ZNF518A: variants seen among roughly 807,000 people sequenced by gnomAD.
The protein encoded by ZNF518A is zinc finger protein 518A, also known as zinc finger protein 518.
Under a neutral mutation model 102.7 loss-of-function variants are expected in ZNF518A, and 47 were observed. The ratio of observed to expected loss-of-function variants is 0.46; its 90% CI spans 0.36 to 0.58. The LOEUF is 0.58. ZNF518A is among the 20% of genes least tolerant of loss of function. The pLI is 0.00. For synonymous variants in ZNF518A, 652 were observed against 594.6 expected (o/e 1.10, Z -1.40); for missense variants, 1,793 against 1,699.8 (o/e 1.05, Z -0.96).
chr10:96,156,603 A>T lies in ZNF518A; in HGVS notation c.281A>T (p.Glu94Val), dbSNP rs782279850. The T allele has an allele frequency of 1.2e-6, 2 of 1,613,770 alleles. No individual in the cohort carries two copies. The highest frequency in any genetic ancestry group is 1.7e-6 in the Non-Finnish European group (2 of 1,179,796). The change falls in exon 6 of 6, where the codon GAG becomes GTG. Residue 94 changes from glutamate to valine, a missense_variant. Physicochemically the swap from Glu to Val is moderately radical, Grantham distance 121 (BLOSUM62 -2). This residue lies in a region of ZNF518A where 1,741 missense variants were observed against 1,622.6 expected (regional missense o/e 1.07). Coordinates refer to ENST00000316045, the MANE Select transcript of ZNF518A (RefSeq NM_001330736.2). ...SISIKTVSCVEECTLLHKSER... is the reference protein window; with the variant it reads ...SISIKTVSCVVECTLLHKSER... The stretch of plus-strand genomic sequence containing the variant: ...AGTATAAAGACTGTAAGCTGTGTAG[A>T]GGAGTGTACATTGCTTCATAAGTCT...
rs782213026 is a variant in ZNF518A, at chr10:96,160,069, G to A, written c.3747G>A (p.Lys1249=). 1 of 1,608,942 alleles carries A rather than the reference G, an allele frequency of 6.2e-7. No homozygotes were observed. The highest frequency in any genetic ancestry group is 8.5e-7 in the Non-Finnish European group (1 of 1,178,748). Residue 1249 remains lysine (K), a synonymous_variant, in exon 6 of 6, where the codon AAG becomes AAA. Coordinates refer to ENST00000316045, the MANE Select transcript of ZNF518A (RefSeq NM_001330736.2). Reference sequence around the variant, plus strand: ...TTGAGAGGAACTTCAATAGAAAAAAGACTTCCAAAAAAATTTTTTCAAAAA... The same window carrying A: ...TTGAGAGGAACTTCAATAGAAAAAAAACTTCCAAAAAAATTTTTTCAAAAA... ...CRIERNFNRK[K]TSKKIFSKTK...
intron 3 of ZNF518A, among the ~76,000 whole-genome samples, chr10:96,137,006 G>A (rs587615058): frequency 6.6e-6 from 1 of 152,338 alleles, no homozygotes; most frequent in East Asian, 1.9e-4. Context: ...AGTGAGTGTG[G>A]CTGTATTCCA....
Position 96,188,101 on chromosome 10 carries a change from C to T in ZNF518A, n.36-15473C>T, listed in dbSNP as rs138670628. ...CTGGCCTCAAGTGATCCACCTGCTT[C>T]GGCCTGCCAAACTACTGTGATTATA... On this transcript the variant is annotated intron_variant and non_coding_transcript_variant, in intron 1 of 2. Coordinates refer to the ZNF518A transcript ENST00000442635. Among the ~76,000 whole-genome samples, 12 of 152,310 alleles carry T rather than the reference C, an allele frequency of 7.9e-5. No individual in the cohort carries two copies. The East Asian group carries it at 1.4e-3, about 17-fold the overall frequency.
chr10:96,205,006 AC>A (rs1384655150), downstream of ZNF518A: 2 of 303,662 alleles, frequency 6.6e-6, no homozygotes, highest in African/African-American at 4.3e-5. Flanking sequence ...TGGAGACAAC[AC>A]CCTGGTGGGT....
Position 96,157,162 on chromosome 10 carries a change from T to A in ZNF518A, c.840T>A (p.His280Gln), listed in dbSNP as rs2082733791. The change falls in exon 6 of 6, where the codon CAT becomes CAA. Residue 280 changes from histidine to glutamine, a missense_variant. His to Gln is a conservative substitution (Grantham distance 24). Coordinates refer to ENST00000316045, the MANE Select transcript of ZNF518A (RefSeq NM_001330736.2). Reference sequence around the variant, plus strand: ...CCAGGAGAGAACACCTTGTAAGACATGTTATAACTTTGCACAAAGAACATT... The same window carrying A: ...CCAGGAGAGAACACCTTGTAAGACAAGTTATAACTTTGCACAAAGAACATT... ...GATRREHLVR[H>Q]VITLHKEHLY... The A allele has an allele frequency of 1.2e-6, 2 of 1,613,456 alleles. No homozygotes were observed. The highest frequency in any genetic ancestry group is 1.6e-4 in the Middle Eastern group (1 of 6,062).
At position 96,157,764 on chromosome 10, in the gene ZNF518A, C is replaced by G; in HGVS notation, c.1442C>G (p.Thr481Ser). 2 of 1,613,848 alleles carry G rather than the reference C, an allele frequency of 1.2e-6. No individual in the cohort carries two copies. The highest frequency in any genetic ancestry group is 1.7e-6 in the Non-Finnish European group (2 of 1,179,786). The change falls in exon 6 of 6, where the codon ACT becomes AGT. Residue 481 changes from threonine (T) to serine (S), a missense_variant. Around this residue, in one of 3 missense-constraint regions of ZNF518A, gnomAD observed 1,741 missense variants for 1,622.6 expected, o/e 1.07. Coordinates refer to ENST00000316045, the MANE Select transcript of ZNF518A (RefSeq NM_001330736.2). ...GSQSGAAKDG[T>S]ANLQPQTLDT... ...CAGTCAGGTGCTGCAAAGGACGGTA[C>G]TGCTAATTTGCAGCCCCAGACTTTG...
At chr10:96,179,662 A>G (rs1312731272) in intron 1 of ZNF518A, among the ~76,000 whole-genome samples, 1 of 152,218 alleles carries the variant, frequency 6.6e-6, no homozygotes, top group African/African-American at 2.4e-5. Flanking sequence ...ACTTCCACAC[A>G]AAACCCTAAC....
chr10:96,153,995 C>T (rs1267634893), intron 3 of ZNF518A, among the ~76,000 whole-genome samples: 1 of 152,196 alleles, frequency 6.6e-6, no homozygotes, highest in Non-Finnish European at 1.5e-5. Flanking sequence ...GAGTATCTTA[C>T]GAGATTAGAC....
chr10:96,203,781 G>C (rs2083718970), intron 2 of ZNF518A: 1 of 179,994 alleles, frequency 5.6e-6, no homozygotes, highest in South Asian at 8.8e-5. Context: ...TATTGTTTTT[G>C]TAAAAAAAAA....
upstream of ZNF518A, chr10:96,129,747 A>C (rs2081228368): frequency 6.6e-6 from 1 of 152,266 alleles, no homozygotes; most frequent in African/African-American, 2.4e-5. Flanking sequence ...GGGCTTGGGA[A>C]GTGCATACAG....
rs2083023161 is a variant in ZNF518A at position 96,162,115 on chromosome 10, T to C, written c.*1341T>C. 1 of 166,946 alleles carries C rather than the reference T, an allele frequency of 6.0e-6. No individual in the cohort carries two copies. Among genetic ancestry groups the C allele is most frequent in the Non-Finnish European group, 1.5e-5 (1 of 68,038 alleles). The allele number at this position is 166,946 out of a possible 1,614,324, so 10.3% of individuals were successfully genotyped here. Reference sequence around the variant, plus strand: ...CAAGTGTTAATGACATTTTCATTAATGGATGAAAACTTCAGGGCTTCTTTT... The same window carrying C: ...CAAGTGTTAATGACATTTTCATTAACGGATGAAAACTTCAGGGCTTCTTTT... On this transcript the variant is annotated 3_prime_UTR_variant, in exon 6 of 6. Transcript: ENST00000316045.
chr10:96,157,386 A>G lies in ZNF518A; in HGVS notation c.1064A>G (p.Gln355Arg). The G allele has an allele frequency of 6.2e-7, 1 of 1,611,800 alleles. No homozygotes were observed. The highest frequency in any genetic ancestry group is 1.6e-4 in the Middle Eastern group (1 of 6,062). The change falls in exon 6 of 6, where the codon CAG (glutamine) becomes CGG (arginine). Residue 355 changes from glutamine to arginine, a missense_variant. This residue lies in a region of ZNF518A where 1,741 missense variants were observed against 1,622.6 expected (regional missense o/e 1.07). Coordinates refer to ENST00000316045, the MANE Select transcript of ZNF518A (RefSeq NM_001330736.2). ...GTGCTTAAGAAAATGAACAAAACAC[A>G]GACTAAATCTGAAGACCAGAGCCAT... ...TQVLKKMNKTQTKSEDQSHVV... is the reference protein window; with the variant it reads ...TQVLKKMNKTRTKSEDQSHVV...
downstream of ZNF518A, among the ~76,000 whole-genome samples, chr10:96,167,663 C>G (rs1554890512): frequency 6.6e-6 from 1 of 151,986 alleles, no homozygotes; most frequent in Non-Finnish European, 1.5e-5. Context: ...AAGAAAGAAT[C>G]AGCAAACCTG....
chr10:96,174,202 C>T (rs2083190046), intron 1 of ZNF518A, among the ~76,000 whole-genome samples: 1 of 149,340 alleles, frequency 6.7e-6, no homozygotes, highest in Admixed American at 6.7e-5. Context: ...GTATACTTAC[C>T]ACAATAAACA....
intron 3 of ZNF518A, among the ~76,000 whole-genome samples, 152 bp downstream of exon 3, chr10:96,133,800 C>T (rs993736684): frequency 5.3e-5 from 8 of 152,182 alleles, no homozygotes; most frequent in Admixed American, 1.3e-4. Context: ...AAATGGATTT[C>T]TGTTCAGGGC....
chr10:96,201,392 G>A (rs587622667), intron 1 of ZNF518A, among the ~76,000 whole-genome samples: 2 of 152,146 alleles, frequency 1.3e-5, no homozygotes, highest in Non-Finnish European at 2.9e-5. Flanking sequence ...ATACATTAAA[G>A]AGATTTACAA....
At chr10:96,203,806 G>T in intron 2 of ZNF518A, 2 of 328,534 alleles carry the variant, frequency 6.1e-6, no homozygotes, top group Non-Finnish European at 1.1e-5. Flanking sequence ...GTTAAAAAAG[G>T]ATGCATGATC....
chr10:96,163,645 C>T lies in ZNF518A; in HGVS notation c.*2871C>T, dbSNP rs587660767. 5.4e-5 allele frequency: 9 copies of T among 166,904 alleles called. No individual in the cohort carries two copies. The South Asian group carries it at 8.3e-4, about 15-fold the overall frequency. The allele number at this position is 166,904 out of a possible 1,614,324, so 10.3% of individuals were successfully genotyped here. ...AATAAAGGGTCAGATAAATAAGCTTCGTAGGCCTTCTAGTTTCTGTCCTAA... is the reference window on the plus strand; with the variant it reads ...AATAAAGGGTCAGATAAATAAGCTTTGTAGGCCTTCTAGTTTCTGTCCTAA... On this transcript the variant is annotated 3_prime_UTR_variant, in exon 6 of 6. Coordinates refer to ENST00000316045, the MANE Select transcript of ZNF518A (RefSeq NM_001330736.2).
Position 96,200,406 on chromosome 10 carries a change from T to G in ZNF518A, n.36-3168T>G, listed in dbSNP as rs2083600147. 6.6e-6 allele frequency among the ~76,000 whole-genome samples: 1 copy of G among 152,250 alleles called. No homozygotes were observed. The highest frequency in any genetic ancestry group is 2.4e-5 in the African/African-American group (1 of 41,470). On this transcript the variant is annotated intron_variant and non_coding_transcript_variant, in intron 1 of 2. Transcript: ENST00000442635. The surrounding 1 kb of genome is among the most constrained non-coding windows in gnomAD (Gnocchi z 4.3). ...TATTTCTTTCTTTCTCCTAAATAAG[T>G]AATAATCCCCCTTTCCATTGTGCTC...
Sources: gnomAD v4.1 joint callset for allele counts (sites outside exome capture counted in the v4.1 genomes callset) on GRCh38, gnomAD v4.1.1 for gene constraint, gnomAD v4.1.1 regional missense constraint, Gnocchi (gnomAD v3.1) non-coding constraint, MANE v1.5 for transcripts, NCBI Gene and HGNC (gene_info 2026-07-23, HGNC 2026-07-21) for gene names.